Variants in LEKR1 observed in about 807,000 individuals in gnomAD.
The protein encoded by LEKR1 is protein LEKR1.
LEKR1 carries 59 observed loss-of-function variants against 72.4 expected under a neutral mutation model. The observed-to-expected ratio is 0.82, with a 90% confidence interval of 0.66 to 1.01. The LOEUF (loss-of-function observed/expected upper bound fraction) is 1.01, where lower values mean the gene tolerates loss of function less well. Among genes scored for constraint, LEKR1 ranks in the 50% least tolerant of loss-of-function variants. The pLI, the probability that LEKR1 is intolerant of heterozygous loss-of-function variation, is 0.00. For missense variants in LEKR1, 728 were observed against 759.2 expected, an observed-to-expected ratio of 0.96 and a Z score of 0.48; for synonymous variants, 257 against 263.2, an observed-to-expected ratio of 0.98 and a Z score of 0.23.
intron 5 of LEKR1, among the ~76,000 whole-genome samples, chr3:156,934,044 A>G (rs1254058726): frequency 6.6e-6 from 1 of 152,206 alleles, no homozygotes; most frequent in African/African-American, 2.4e-5. Context: ...CTCAGTTCAA[A>G]TGTCACCTCC....
intron 9 of LEKR1, among the ~76,000 whole-genome samples, chr3:157,003,164 G>T (rs554291514): frequency 2.8e-4 from 43 of 152,028 alleles, no homozygotes; most frequent in African/African-American, 1.0e-3. Context: ...AAATTGTTAG[G>T]CTCTCTGGAT....
At chr3:156,971,616 T>C (rs1729204384) in intron 6 of LEKR1, among the ~76,000 whole-genome samples, 1 of 152,030 alleles carries the variant, frequency 6.6e-6, no homozygotes, top group South Asian at 2.1e-4. Flanking sequence ...ATATCCAGAA[T>C]CTACAAAGAA....
intron 4 of LEKR1, among the ~76,000 whole-genome samples, chr3:156,926,658 G>C (rs1724745576): frequency 6.6e-6 from 1 of 151,944 alleles, no homozygotes; most frequent in African/African-American, 2.4e-5. Context: ...AACTGAGGAG[G>C]AATCTATTTT....
In LEKR1 at chr3:157,020,590, C is replaced by T. The variant is rs2108030623; in HGVS notation, c.1204-4170C>T. ...GATGATTTCCAATTTCATCCATGTA[C>T]CTACAAAGGACATGAACTCATCATT... On this transcript the variant is annotated intron_variant, in intron 10 of 12. Coordinates refer to ENST00000356539, the MANE Select transcript of LEKR1 (RefSeq NM_001004316.3). 2.6e-5 allele frequency among the ~76,000 whole-genome samples: 4 copies of T among 151,486 alleles called. No individual in the cohort carries two copies. In the South Asian group the frequency reaches 8.4e-4, roughly 32 times the overall value.
At chr3:156,956,091 T>C (rs1727607521) in intron 6 of LEKR1, among the ~76,000 whole-genome samples, 1 of 151,910 alleles carries the variant, frequency 6.6e-6, no homozygotes, top group Non-Finnish European at 1.5e-5. Flanking sequence ...ATATTAGATA[T>C]TCAGAATATC....
At chr3:156,881,145 G>T (rs910286325) in intron 3 of LEKR1, among the ~76,000 whole-genome samples, 2 of 152,110 alleles carry the variant, frequency 1.3e-5, no homozygotes, top group African/African-American at 4.8e-5. Context: ...GGAAGTTCTA[G>T]CCAGGGCAAT....
chr3:156,887,549 A>G (rs1418657595), intron 3 of LEKR1, among the ~76,000 whole-genome samples: 1 of 152,114 alleles, frequency 6.6e-6, no homozygotes, highest in African/African-American at 2.4e-5. Context: ...TGAATTCTGA[A>G]CACTCTTTTG....
At chr3:156,871,793 G>A (rs1717989956) in intron 3 of LEKR1, among the ~76,000 whole-genome samples, 1 of 152,064 alleles carries the variant, frequency 6.6e-6, no homozygotes, top group Non-Finnish European at 1.5e-5. Flanking sequence ...AATTCCATTT[G>A]ATTATGATGT....
At chr3:156,904,858 T>C (rs1318825283) in intron 3 of LEKR1, among the ~76,000 whole-genome samples, 1 of 152,054 alleles carries the variant, frequency 6.6e-6, no homozygotes, top group African/African-American at 2.4e-5. Flanking sequence ...TTTTAACTTC[T>C]GTTTCTGCAC....
chr3:156,969,328 C>T (rs1728932229), intron 6 of LEKR1, among the ~76,000 whole-genome samples: 1 of 152,038 alleles, frequency 6.6e-6, no homozygotes, highest in Non-Finnish European at 1.5e-5. Flanking sequence ...TCAATGAATC[C>T]AGGAGCTGGT....
At chr3:156,977,231 G>C (rs1729773893) in intron 6 of LEKR1, among the ~76,000 whole-genome samples, 1 of 152,182 alleles carries the variant, frequency 6.6e-6, no homozygotes, top group Non-Finnish European at 1.5e-5. Context: ...GATCCTGCCT[G>C]GTGGTGGTAT....
rs990833613 is a variant in LEKR1 at position 156,848,303 on chromosome 3, G to A, written c.49-4465G>A. Among the ~76,000 whole-genome samples, 3 of 152,130 alleles carry A rather than the reference G, an allele frequency of 2.0e-5. No individual in the cohort carries two copies. In the South Asian group the frequency reaches 6.2e-4, roughly 32 times the overall value. On this transcript the variant is annotated intron_variant, in intron 2 of 12. Coordinates refer to ENST00000356539, the MANE Select transcript of LEKR1 (RefSeq NM_001004316.3). ...GACATGCAGAGAGTAATAGGATAAT[G>A]CACAAATGCCATTTCATGTATACAG...
At chr3:157,043,004 G>A (rs974523774) in intron 12 of LEKR1, among the ~76,000 whole-genome samples, 4 of 152,128 alleles carry the variant, frequency 2.6e-5, no homozygotes, top group Non-Finnish European at 5.9e-5. Flanking sequence ...TCTCATGAAT[G>A]GTTTAGCACC....
At chr3:157,036,841 G>A (rs1362067739) in intron 12 of LEKR1, among the ~76,000 whole-genome samples, 1 of 152,132 alleles carries the variant, frequency 6.6e-6, no homozygotes, top group African/African-American at 2.4e-5. Flanking sequence ...TGGGGTGTTT[G>A]AACATGTTGA....
intron 6 of LEKR1, among the ~76,000 whole-genome samples, chr3:156,945,052 G>A (rs189681266): frequency 2.1e-4 from 32 of 151,552 alleles, no homozygotes; most frequent in Middle Eastern, 3.4e-3. Flanking sequence ...TCAAGGGTTC[G>A]CTTTTCTCTA....
At chr3:156,964,969 C>T (rs1728441720) in intron 6 of LEKR1, among the ~76,000 whole-genome samples, 1 of 152,006 alleles carries the variant, frequency 6.6e-6, no homozygotes, top group Non-Finnish European at 1.5e-5. Context: ...ATTGTAGGTC[C>T]ATGTCCCTTC....
intron 5 of LEKR1, among the ~76,000 whole-genome samples, chr3:156,940,973 C>A (rs752805317): frequency 6.6e-6 from 1 of 152,016 alleles, no homozygotes; most frequent in Non-Finnish European, 1.5e-5. Flanking sequence ...ACCTTTTTGG[C>A]TACAAAAATA....
chr3:156,898,351 A>T (rs1489488895), intron 3 of LEKR1, among the ~76,000 whole-genome samples: 1 of 152,160 alleles, frequency 6.6e-6, no homozygotes, highest in Non-Finnish European at 1.5e-5. Context: ...GACTCCCCAG[A>T]ACCCTTAGAT....
intron 5 of LEKR1, among the ~76,000 whole-genome samples, chr3:156,929,630 G>C (rs1725025021): frequency 6.6e-6 from 1 of 151,404 alleles, no homozygotes; most frequent in Admixed American, 6.6e-5. Flanking sequence ...AAAACACACT[G>C]GCCAGTGTAC....
Sources: gnomAD v4.1 joint callset for allele counts (sites outside exome capture counted in the v4.1 genomes callset) on GRCh38, gnomAD v4.1.1 for gene constraint, MANE v1.5 for transcripts, NCBI Gene and HGNC (gene_info 2026-07-23, HGNC 2026-07-21) for gene names.